Variants in IGFBP5 observed in about 807,000 individuals in gnomAD.
IGFBP5 encodes the protein insulin like growth factor binding protein 5.
IGFBP5 carries 12 observed loss-of-function variants against 28.0 expected under a neutral mutation model. That is an observed-to-expected ratio of 0.43 (90% CI 0.27 to 0.69). The LOEUF is 0.69. Ranked by LOEUF, IGFBP5 falls within the 30% of genes least tolerant of loss-of-function variation. The probability of loss-of-function intolerance (pLI) is 0.20; values close to 1 mark genes in which losing one functional copy is unlikely to be tolerated. For missense variants in IGFBP5, 344 were observed against 381.6 expected (o/e 0.90, Z 0.82); for synonymous variants, 152 against 150.2 (o/e 1.01, Z -0.09).
intron 1 of IGFBP5, among the ~76,000 whole-genome samples, chr2:216,690,210 C>T (rs555125467): frequency 6.0e-4 from 92 of 152,300 alleles, no homozygotes; most frequent in Non-Finnish European, 1.1e-3. Flanking sequence ...GGAATTGCAG[C>T]TTTTGGACCA....
At chr2:216,680,806 C>G (rs1046913215) in intron 1 of IGFBP5, among the ~76,000 whole-genome samples, 12 of 152,004 alleles carry the variant, frequency 7.9e-5, no homozygotes, top group Non-Finnish European at 1.2e-4. Flanking sequence ...GGTGGGCTCT[C>G]CCTAAATAAA....
chr2:216,675,600 G>C lies in IGFBP5; in HGVS notation c.*1151C>G, dbSNP rs1688886454. ...TGCTCACGGGAAACTCTGCCTCGAG[G>C]CAGGCAAAAATGCTATTACGGGTTG... On this transcript the variant is annotated 3_prime_UTR_variant, in exon 4 of 4. Coordinates refer to ENST00000233813, the MANE Select transcript of IGFBP5 (RefSeq NM_000599.4). 1 of 152,140 alleles carries C rather than the reference G, an allele frequency of 6.6e-6. No homozygotes were observed. The highest frequency in any genetic ancestry group is 2.4e-5 in the African/African-American group (1 of 41,416). The allele number at this position is 152,140 out of a possible 1,614,324, so 9.4% of individuals were successfully genotyped here. A position where few individuals can be genotyped will look rare whatever the true frequency, so the allele number is the denominator to read the frequency against.
chr2:216,679,895 A>G lies in IGFBP5; in HGVS notation c.338-816T>C, dbSNP rs997348937. Reference sequence around the variant, plus strand: ...GGCTGAGACCGGGACAGTTATATATAGGAGTGGCTTGCTGACAGTCTATAC... The same window carrying G: ...GGCTGAGACCGGGACAGTTATATATGGGAGTGGCTTGCTGACAGTCTATAC... On this transcript the variant is annotated intron_variant, in intron 1 of 3. Transcript: ENST00000233813. This position sits in a 1 kb window ranked among gnomAD's most constrained non-coding sequence, Gnocchi z 4.6. Among the ~76,000 whole-genome samples the G allele has an allele frequency of 2.0e-5, 3 of 152,330 alleles. No individual in the cohort carries two copies. The highest frequency in any genetic ancestry group is 7.2e-5 in the African/African-American group (3 of 41,580).
chr2:216,678,386 G>A (rs965201243), intron 2 of IGFBP5, among the ~76,000 whole-genome samples, 155 bp from the exon 3 acceptor site: 1 of 152,188 alleles, frequency 6.6e-6, no homozygotes, highest in Non-Finnish European at 1.5e-5. Context: ...TTTCCTCCCT[G>A]TCACCTGTCA....
Position 216,695,228 on chromosome 2 carries a change from C to T in IGFBP5, c.-453G>A, listed in dbSNP as rs1033091628. 1 of 153,730 alleles carries T rather than the reference C, an allele frequency of 6.5e-6. No individual in the cohort carries two copies. Among genetic ancestry groups the T allele is most frequent in the African/African-American group, 2.4e-5 (1 of 41,506 alleles). 9.5% of individuals were successfully genotyped at this position (153,730 alleles called of 1,614,324 possible). A position where few individuals can be genotyped will look rare whatever the true frequency, so the allele number is the denominator to read the frequency against. On this transcript the variant is annotated 5_prime_UTR_variant, in exon 1 of 4. Transcript: ENST00000233813. ...TTTGCTTAAAATCTAAAATACACCCCGCTTTCTAACCCTCAGCTGCCAGCG... is the reference window on the plus strand; with the variant it reads ...TTTGCTTAAAATCTAAAATACACCCTGCTTTCTAACCCTCAGCTGCCAGCG...
intron 2 of IGFBP5, 49 bp from the exon 3 acceptor site, chr2:216,678,280 C>T (rs13398831): frequency 1.4e-6 from 2 of 1,460,006 alleles, no homozygotes; most frequent in Non-Finnish European, 1.8e-6. Context: ...GGGAAAACCA[C>T]CCAGCTGCGC....
chr2:216,676,810 T>G lies in IGFBP5; in HGVS notation c.760A>C (p.Met254Leu). The change falls in exon 4 of 4, where the codon ATG (methionine) becomes CTG (leucine). Residue 254 changes from methionine (M) to leucine (L), a missense_variant. Met to Leu is a conservative substitution (Grantham distance 15). Coordinates refer to ENST00000233813, the MANE Select transcript of IGFBP5 (RefSeq NM_000599.4). ...TGAAAGTCCCCGTCAACGTACTCCA[T>G]GCCTGGCAGCTTCATCCCGTACTTG... ...VDKYGMKLPGMEYVDGDFQCH... is the reference protein window; with the variant it reads ...VDKYGMKLPGLEYVDGDFQCH... 2 of 1,614,074 alleles carry G rather than the reference T, an allele frequency of 1.2e-6. No individual in the cohort carries two copies. Among genetic ancestry groups the G allele is most frequent in the South Asian group, 2.2e-5 (2 of 91,070 alleles).
At position 216,694,965 on chromosome 2, in the gene IGFBP5, C is replaced by T. The variant is rs1689151234; in HGVS notation, c.-190G>A. ...GAGAGGTGGAGGGCTGGGGTGCCTG[C>T]GAGCAGGTCCCAGTTGCAAGAATTA... On this transcript the variant is annotated 5_prime_UTR_variant, in exon 1 of 4. Transcript: ENST00000233813. This position sits in a 1 kb window ranked among gnomAD's most constrained non-coding sequence, Gnocchi z 5.2. 7.3e-6 allele frequency: 3 copies of T among 409,698 alleles called. No homozygotes were observed. The allele number at this position is 409,698 out of a possible 1,614,324, so 25.4% of individuals were successfully genotyped here. A position where few individuals can be genotyped will look rare whatever the true frequency, so the allele number is the denominator to read the frequency against.
rs35921698 is a variant in IGFBP5 at position 216,695,317 on chromosome 2, T to G, written c.-542A>C. 2 of 152,132 alleles carry G rather than the reference T, an allele frequency of 1.3e-5. No homozygotes were observed. The highest frequency in any genetic ancestry group is 2.9e-5 in the Non-Finnish European group (2 of 68,076). The allele number at this position is 152,132 out of a possible 1,614,324, so 9.4% of individuals were successfully genotyped here. ...CAGCCGAGAGGGTGGGAGAAAATGT[T>G]GAAATCAAGAAATTAAAAAACAAAA... On this transcript the variant is annotated 5_prime_UTR_variant, in exon 1 of 4. Coordinates refer to ENST00000233813, the MANE Select transcript of IGFBP5 (RefSeq NM_000599.4).
Position 216,692,192 on chromosome 2 carries a change from C to T in IGFBP5, c.337+2247G>A, listed in dbSNP as rs531963217. 2.6e-4 allele frequency among the ~76,000 whole-genome samples: 40 copies of T among 152,242 alleles called. No individual in the cohort carries two copies. Among genetic ancestry groups the T allele is most frequent in the Admixed American group, 1.0e-3 (16 of 15,292 alleles). On this transcript the variant is annotated intron_variant, in intron 1 of 3. Transcript: ENST00000233813. This position sits in a 1 kb window ranked among gnomAD's most constrained non-coding sequence, Gnocchi z 4.2. ...GCGGTGGAGCGCCGCCAACCCGCAA[C>T]AGCAGCCGGCCGGGCACCTGCCTTC...
At chr2:216,683,706 G>A (rs879920651) in intron 1 of IGFBP5, among the ~76,000 whole-genome samples, 1 of 152,218 alleles carries the variant, frequency 6.6e-6, no homozygotes, top group Non-Finnish European at 1.5e-5. Flanking sequence ...AATGTGGAAT[G>A]CTCAGCATCC....
At position 216,694,069 on chromosome 2, in the gene IGFBP5, G is replaced by C. The variant is rs185263725; in HGVS notation, c.337+370C>G. On this transcript the variant is annotated intron_variant, in intron 1 of 3. Transcript: ENST00000233813. The surrounding 1 kb of genome is among the most constrained non-coding windows in gnomAD (Gnocchi z 5.2). ...AAAAAAACCTATGCGGGGCGCGAGG[G>C]GGGTGGAGGAGGGAGTTGATAATGT... Among the ~76,000 whole-genome samples, 5 of 152,080 alleles carry C rather than the reference G, an allele frequency of 3.3e-5. No homozygotes were observed. Among genetic ancestry groups the C allele is most frequent in the Non-Finnish European group, 5.9e-5 (4 of 68,010 alleles).
chr2:216,683,391 C>A (rs1369045013), intron 1 of IGFBP5, among the ~76,000 whole-genome samples: 1 of 152,120 alleles, frequency 6.6e-6, no homozygotes, highest in African/African-American at 2.4e-5. Context: ...AAAAATAAAT[C>A]TGGAATTTGG....
At position 216,694,519 on chromosome 2, in the gene IGFBP5, T is replaced by C; in HGVS notation, c.257A>G (p.Glu86Gly). The change falls in exon 1 of 4, where the codon GAG (glutamate) becomes GGG (glycine). Residue 86 changes from glutamate to glycine, a missense_variant. Around this residue, in one of 3 missense-constraint regions of IGFBP5, gnomAD observed 304 missense variants for 329.2 expected, o/e 0.92. Coordinates refer to ENST00000233813, the MANE Select transcript of IGFBP5 (RefSeq NM_000599.4). The surrounding 1 kb of genome is among the most constrained non-coding windows in gnomAD (Gnocchi z 5.2). Reference protein sequence around the residue: ...QGLRCLPRQDEEKPLHALLHG... With the variant: ...QGLRCLPRQDGEKPLHALLHG... Reference sequence around the variant, plus strand: ...CAGCAGGGCGTGCAGCGGCTTCTCCTCGTCCTGCCGGGGGAGGCAGCGCAG... The same window carrying C: ...CAGCAGGGCGTGCAGCGGCTTCTCCCCGTCCTGCCGGGGGAGGCAGCGCAG... The C allele has an allele frequency of 6.3e-7, 1 of 1,586,314 alleles. No homozygotes were observed. The highest frequency in any genetic ancestry group is 8.6e-7 in the Non-Finnish European group (1 of 1,169,502).
rs11575200 is a variant in IGFBP5, at chr2:216,677,834, G to A, written c.687+278C>T. 4.3e-4 allele frequency among the ~76,000 whole-genome samples: 65 copies of A among 152,318 alleles called. 1 individual carries two copies. Among genetic ancestry groups the A allele is most frequent in the African/African-American group, 1.5e-3 (61 of 41,574 alleles). ...GGTGCACCAATGATACGTGCTGTGC[G>A]ATAGTGTTACAGAGTTACCTTTTGC... On this transcript the variant is annotated intron_variant, in intron 3 of 3. Coordinates refer to ENST00000233813, the MANE Select transcript of IGFBP5 (RefSeq NM_000599.4).
chr2:216,689,502 A>G (rs11575144), intron 1 of IGFBP5, among the ~76,000 whole-genome samples: 2,069 of 152,326 alleles, frequency 0.014, 47 homozygotes, highest in African/African-American at 0.047. Context: ...CCTTCAGATT[A>G]TGGGTTCTTA....
chr2:216,690,043 AG>A (rs1233938681), intron 1 of IGFBP5, among the ~76,000 whole-genome samples: 2 of 151,336 alleles, frequency 1.3e-5, no homozygotes, highest in Admixed American at 6.6e-5. Context: ...TGGAAATAAA[AG>A]GGGGGGATTT....
rs985203900 is a variant in IGFBP5, at chr2:216,692,099, T to G, written c.337+2340A>C. ...GGGACCCGCCCAGTGGTTGTCCGGC[T>G]AAAACGCCCTTTCCAGGAGCGCCCA... On this transcript the variant is annotated intron_variant, in intron 1 of 3. Transcript: ENST00000233813. The surrounding 1 kb of genome is among the most constrained non-coding windows in gnomAD (Gnocchi z 4.2). Among the ~76,000 whole-genome samples the G allele has an allele frequency of 6.6e-6, 1 of 152,098 alleles. No individual in the cohort carries two copies. The highest frequency in any genetic ancestry group is 6.5e-5 in the Admixed American group (1 of 15,274).
At position 216,672,420 on chromosome 2, in the gene IGFBP5, G is replaced by C. The variant is rs79978116; in HGVS notation, c.*4331C>G. On this transcript the variant is annotated 3_prime_UTR_variant, in exon 4 of 4. Transcript: ENST00000233813. ...ATCATCGTTTATTTTTGTTTTTAAA[G>C]TTGAAAACAAAAAAGAGGAGAGAAC... 7.2e-6 allele frequency: 1 copy of C among 139,686 alleles called. No individual in the cohort carries two copies. The highest frequency in any genetic ancestry group is 1.5e-5 in the Non-Finnish European group (1 of 65,812). The allele number at this position is 139,686 out of a possible 1,614,324, so 8.7% of individuals were successfully genotyped here. A position where few individuals can be genotyped will look rare whatever the true frequency, so the allele number is the denominator to read the frequency against.
Sources: allele counts gnomAD v4.1 joint callset (sites outside exome capture counted in the v4.1 genomes callset), GRCh38; gene constraint gnomAD v4.1.1; regional missense constraint gnomAD v4.1.1; non-coding constraint Gnocchi (gnomAD v3.1); transcripts MANE v1.5; gene names NCBI Gene and HGNC (gene_info 2026-07-23, HGNC 2026-07-21).